Variants in MAGI2 observed in about 807,000 individuals in gnomAD.
The protein encoded by MAGI2 is membrane associated guanylate kinase, WW and PDZ domain containing 2, also known as membrane-associated guanylate kinase, WW and PDZ domain-containing protein 2.
A neutral mutation model predicts 133.3 loss-of-function variants in MAGI2; 35 were observed. That is an observed-to-expected ratio of 0.26 (90% CI 0.20 to 0.35). The LOEUF (loss-of-function observed/expected upper bound fraction) is 0.35. MAGI2 is among the 10% of genes least tolerant of loss of function. MAGI2 has a pLI of 1.00. For synonymous variants in MAGI2, 729 were observed against 710.6 expected (o/e 1.03, Z -0.41); for missense variants, 1,636 against 1,863.4 (o/e 0.88, Z 2.25).
chr7:78,405,550 C>G (rs1340996364), intron 6 of MAGI2, among the ~76,000 whole-genome samples: 1 of 152,054 alleles, frequency 6.6e-6, no homozygotes, highest in African/African-American at 2.4e-5. Context: ...CTACATGTGT[C>G]AAGAGCAGTT....
At chr7:78,154,889 T>C (rs1243496993) in intron 16 of MAGI2, among the ~76,000 whole-genome samples, 3 of 151,972 alleles carry the variant, frequency 2.0e-5, no homozygotes, top group African/African-American at 7.2e-5. Flanking sequence ...ACAACCTCAC[T>C]GCACGTAGCC....
chr7:78,818,813 T>C (rs1300026383), intron 2 of MAGI2, among the ~76,000 whole-genome samples: 1 of 152,132 alleles, frequency 6.6e-6, no homozygotes, highest in Non-Finnish European at 1.5e-5. Flanking sequence ...ATGCACCTTC[T>C]TGGAAGTTCT....
intron 2 of MAGI2, among the ~76,000 whole-genome samples, chr7:78,628,351 C>A (rs1397477575): frequency 1.3e-5 from 2 of 152,038 alleles, no homozygotes; most frequent in Middle Eastern, 6.3e-3. Flanking sequence ...TATATAGACT[C>A]CCCCATATTG....
rs574798428 is a variant in MAGI2 at position 78,948,550 on chromosome 7, TA to T, written c.418+58539del. 2.5e-3 allele frequency among the ~76,000 whole-genome samples: 385 copies of T among 152,244 alleles called. 1 individual carries two copies. The highest frequency in any genetic ancestry group is 0.01 in the Middle Eastern group (3 of 294). ...TAAGTAGCCACATCTTGTAGACAGT[TA>T]AAAGTATTTATTGACAGAATGTTAA... is the stretch of plus-strand genomic sequence containing the variant. On this transcript the variant is annotated intron_variant, in intron 2 of 21. Transcript: ENST00000354212.
chr7:79,364,843 A>T (rs535468067), intron 1 of MAGI2, among the ~76,000 whole-genome samples: 2 of 152,152 alleles, frequency 1.3e-5, no homozygotes, highest in East Asian at 3.9e-4. Context: ...TCCTTGGGCA[A>T]AGAATTCTTA....
chr7:78,795,806 G>A (rs1787555587), intron 2 of MAGI2, among the ~76,000 whole-genome samples: 2 of 151,950 alleles, frequency 1.3e-5, no homozygotes, highest in Non-Finnish European at 2.9e-5. Context: ...TAGACCAATG[G>A]AACAGAATAG....
At chr7:78,475,573 C>G (rs9886106) in intron 6 of MAGI2, among the ~76,000 whole-genome samples, 44,269 of 151,706 alleles carry the variant, frequency 0.29, 7,445 homozygotes, top group African/African-American at 0.46. Context: ...GCTAGAGTAG[C>G]AGCAGAAGAT....
At chr7:78,515,867 C>A (rs1324330766) in intron 4 of MAGI2, among the ~76,000 whole-genome samples, 2 of 152,030 alleles carry the variant, frequency 1.3e-5, no homozygotes, top group African/African-American at 2.4e-5. Context: ...CCATTGGACT[C>A]CAGCCTGGGC....
chr7:78,078,036 CT>C (rs572902297), intron 21 of MAGI2: 103 of 143,218 alleles, frequency 7.2e-4, no homozygotes, highest in East Asian at 1.0e-3. Flanking sequence ...CCCTAGAAAT[CT>C]TTTTTTTTTT....
At chr7:78,200,606 C>A (rs1852004) in intron 11 of MAGI2, among the ~76,000 whole-genome samples, 22,421 of 151,940 alleles carry the variant, frequency 0.15, 1,862 homozygotes, top group South Asian at 0.28. Context: ...TATATATATA[C>A]ACAAAGACAC....
chr7:78,410,932 G>C (rs1797816347), intron 6 of MAGI2, among the ~76,000 whole-genome samples: 2 of 152,050 alleles, frequency 1.3e-5, no homozygotes, highest in Non-Finnish European at 2.9e-5. Flanking sequence ...ATTGTCATTA[G>C]CATATTGGGA....
chr7:78,789,395 A>G (rs1023899024), intron 2 of MAGI2, among the ~76,000 whole-genome samples: 53 of 152,206 alleles, frequency 3.5e-4, no homozygotes, highest in African/African-American at 1.1e-3. Context: ...TTACTGGTGC[A>G]TGCTTTCTCA....
chr7:78,094,999 T>G lies in MAGI2; in HGVS notation c.3568-15914A>C, dbSNP rs528893375. ...CTAAGGAAGTGCTGGTAGCAGGGTA[T>G]GTATGAGGGACAACATACCCTAGAG... is the stretch of plus-strand genomic sequence containing the variant. On this transcript the variant is annotated intron_variant, in intron 20 of 21. Transcript: ENST00000354212. 4.0e-4 allele frequency among the ~76,000 whole-genome samples: 61 copies of G among 152,250 alleles called. 1 individual carries two copies. The highest frequency in any genetic ancestry group is 8.9e-4 in the African/African-American group (37 of 41,562).
chr7:79,064,768 C>T (rs530751993), intron 1 of MAGI2, among the ~76,000 whole-genome samples: 1 of 152,178 alleles, frequency 6.6e-6, no homozygotes, highest in African/African-American at 2.4e-5. Context: ...TGAAACTGCA[C>T]TTCTGACTTT....
intron 3 of MAGI2, among the ~76,000 whole-genome samples, chr7:78,541,319 T>C (rs1029835242): frequency 1.3e-5 from 2 of 152,236 alleles, no homozygotes; most frequent in Non-Finnish European, 2.9e-5. Flanking sequence ...TCTCTTGTCA[T>C]AGCCCTTCTA....
At chr7:78,334,138 A>G (rs1166621135) in intron 9 of MAGI2, among the ~76,000 whole-genome samples, 1 of 152,164 alleles carries the variant, frequency 6.6e-6, no homozygotes, top group East Asian at 1.9e-4. Flanking sequence ...ACAACCAGGA[A>G]ATTGTATTAA....
chr7:78,936,949 G>A (rs780311977), intron 2 of MAGI2, among the ~76,000 whole-genome samples: 2 of 151,662 alleles, frequency 1.3e-5, no homozygotes, highest in Non-Finnish European at 2.9e-5. Context: ...ATACTGAAAG[G>A]GCCCAGAAAC....
intron 6 of MAGI2, among the ~76,000 whole-genome samples, chr7:78,454,669 T>C (rs1302916992): frequency 6.6e-6 from 1 of 152,186 alleles, no homozygotes; most frequent in Non-Finnish European, 1.5e-5. Flanking sequence ...AAGTAACCAA[T>C]ATGTCTTTCA....
At chr7:78,530,270 A>C (rs1382139860) in intron 3 of MAGI2, among the ~76,000 whole-genome samples, 1 of 152,216 alleles carries the variant, frequency 6.6e-6, no homozygotes, top group African/African-American at 2.4e-5. Context: ...GCTTTGGTCC[A>C]TTGAGCACCT....
Sources: gnomAD v4.1 joint callset for allele counts (sites outside exome capture counted in the v4.1 genomes callset) on GRCh38, gnomAD v4.1.1 for gene constraint, MANE v1.5 for transcripts, NCBI Gene and HGNC (gene_info 2026-07-23, HGNC 2026-07-21) for gene names.